Variants in ZNF136 observed in about 807,000 individuals in gnomAD.
ZNF136 encodes zinc finger protein 136, also known as zinc finger protein 136 (clone pHZ-20).
A neutral mutation model predicts 11.4 loss-of-function variants in ZNF136; 8 were observed. The observed-to-expected ratio is 0.70, with a 90% CI of 0.41 to 1.27. The LOEUF is 1.27. ZNF136 is among the 50% of genes most tolerant of loss of function. The pLI, the probability that ZNF136 is intolerant of heterozygous loss-of-function variation, is 0.01. For missense variants in ZNF136, 590 were observed against 656.5 expected, an observed-to-expected ratio of 0.90 and a Z score of 1.11; for synonymous variants, 190 against 207.1, an observed-to-expected ratio of 0.92 and a Z score of 0.71.
At chr19:12,185,665 A>T in intron 1 of ZNF136, 120 bp from the exon 2 acceptor site, 2 of 1,340,132 alleles carry the variant, frequency 1.5e-6, no homozygotes, top group Non-Finnish European at 2.0e-6. Context: ...TATGATGACC[A>T]AACAGTGGAG....
At chr19:12,180,795 A>G (rs10421012) in intron 1 of ZNF136, among the ~76,000 whole-genome samples, 30,707 of 152,188 alleles carry the variant, frequency 0.2, 4,121 homozygotes, top group African/African-American at 0.38. Flanking sequence ...TTGGTTAAAA[A>G]TTTTAATGCA....
Position 12,180,145 on chromosome 19 carries a change from C to T in ZNF136, c.4-5640C>T, listed in dbSNP as rs933450947. On this transcript the variant is annotated intron_variant, in intron 1 of 3. Transcript: ENST00000343979. The stretch of plus-strand genomic sequence containing the variant: ...TCTCCCAAAGTGCTGGGATTACAGG[C>T]GTGAGCCACCGCCCCCGGCCAACTA... Among the ~76,000 whole-genome samples the T allele has an allele frequency of 8.5e-5, 13 of 152,290 alleles. No individual in the cohort carries two copies. In the East Asian group the frequency reaches 1.9e-3, roughly 23 times the overall value.
At chr19:12,173,054 C>T (rs1274295812) in intron 1 of ZNF136, among the ~76,000 whole-genome samples, 3 of 151,990 alleles carry the variant, frequency 2.0e-5, no homozygotes, top group Non-Finnish European at 4.4e-5. Flanking sequence ...AGTAGCATGT[C>T]TTGTAGGCCA....
At chr19:12,167,954 G>A (rs1018283682) in intron 1 of ZNF136, among the ~76,000 whole-genome samples, 2 of 150,016 alleles carry the variant, frequency 1.3e-5, no homozygotes, top group African/African-American at 2.5e-5. Context: ...TTTTGCAGAC[G>A]CAGACTCATG....
At chr19:12,185,730 C>T (rs906341937) in intron 1 of ZNF136, 55 bp from the exon 2 acceptor site, 15 of 1,590,134 alleles carry the variant, frequency 9.4e-6, no homozygotes, top group African/African-American at 2.7e-5. Flanking sequence ...GAGTACAGCT[C>T]CCCAGCCCTG....
chr19:12,177,857 CAGCACTTTGGG>C lies in ZNF136; in HGVS notation c.4-7925_4-7915del, dbSNP rs566358484. 5.2e-3 allele frequency among the ~76,000 whole-genome samples: 790 copies of C among 152,302 alleles called. 2 individuals are homozygous for C. Among genetic ancestry groups the C allele is most frequent in the Non-Finnish European group, 8.7e-3 (592 of 68,036 alleles). On this transcript the variant is annotated intron_variant, in intron 1 of 3. Coordinates refer to ENST00000343979, the MANE Select transcript of ZNF136 (RefSeq NM_003437.5). ...GCCCAGTGGCTCATGCCTATAATCTCAGCACTTTGGGAGTCTGAGGCAGGTGGATTGCCAGA... is the reference window on the plus strand; with the variant it reads ...GCCCAGTGGCTCATGCCTATAATCTCAGTCTGAGGCAGGTGGATTGCCAGA...
At chr19:12,170,320 G>C (rs776726227) in intron 1 of ZNF136, among the ~76,000 whole-genome samples, 2 of 152,050 alleles carry the variant, frequency 1.3e-5, no homozygotes, top group Non-Finnish European at 2.9e-5. Flanking sequence ...TGCTTGATTT[G>C]AGTTGTTAGT....
chr19:12,176,336 T>A (rs995759573), intron 1 of ZNF136, among the ~76,000 whole-genome samples: 2 of 152,046 alleles, frequency 1.3e-5, no homozygotes, highest in Admixed American at 6.6e-5. Flanking sequence ...GAGTACTTTT[T>A]TTTTTTTGAG....
chr19:12,163,408 G>T (rs557713281), intron 1 of ZNF136, among the ~76,000 whole-genome samples: 2 of 152,318 alleles, frequency 1.3e-5, no homozygotes, highest in African/African-American at 4.8e-5. Context: ...TCCTCGTCCC[G>T]CCCTGTGCCG....
intron 3 of ZNF136, 52 bp from the exon 4 acceptor site, chr19:12,186,518 T>C (rs995475049): frequency 1.4e-6 from 2 of 1,396,018 alleles, no homozygotes; most frequent in East Asian, 2.4e-5. Flanking sequence ...TAATAGCTAT[T>C]AATATAAAAT....
At chr19:12,164,864 T>C (rs974749568) in intron 1 of ZNF136, 3 of 152,238 alleles carry the variant, frequency 2.0e-5, no homozygotes, top group African/African-American at 7.2e-5. Context: ...TTGAAACTGC[T>C]ATTGCCACAA....
intron 1 of ZNF136, among the ~76,000 whole-genome samples, chr19:12,173,705 T>C (rs918975082): frequency 1.9e-4 from 29 of 152,112 alleles, no homozygotes; most frequent in Non-Finnish European, 3.8e-4. Flanking sequence ...AAAAGGGTGT[T>C]ATGGGACCCT....
rs1262666273 is a variant in ZNF136 at position 12,187,866 on chromosome 19, G to T, written c.1488G>T (p.Arg496Ser). The T allele has an allele frequency of 6.2e-7, 1 of 1,603,312 alleles. No homozygotes were observed. Among genetic ancestry groups the T allele is most frequent in the African/African-American group, 1.3e-5 (1 of 74,224 alleles). Residue 496 changes from arginine to serine, a missense_variant, in exon 4 of 4, where the codon AGG becomes AGT. Physicochemically the swap from Arg to Ser is moderately radical, Grantham distance 110. Transcript: ENST00000343979. ...CTAGTTCCTTTCGACTACATGAAAG[G>T]ACTCACACTGGACAGAAACCCTATC... The part of the protein sequence containing the change: ...RSSSSFRLHE[R>S]THTGQKPYHC...
At position 12,185,930 on chromosome 19, in the gene ZNF136, C is replaced by T; in HGVS notation, c.130+19C>T. 4.3e-6 allele frequency: 7 copies of T among 1,610,804 alleles called. No individual in the cohort carries two copies. The highest frequency in any genetic ancestry group is 5.9e-6 in the Non-Finnish European group (7 of 1,179,260). On this transcript the variant is annotated intron_variant, in intron 2 of 3. Transcript: ENST00000343979. ...TCTATAGGTAAGGATTGTATACTTC[C>T]ATCACTTAGCAATTAAAGAAGAAGT...
intron 1 of ZNF136, among the ~76,000 whole-genome samples, chr19:12,168,046 C>CT (rs1914525395): frequency 1.8e-5 from 1 of 56,724 alleles, no homozygotes; most frequent in Non-Finnish European, 4.0e-5. Context: ...ATTTTTTTTT[C>CT]TTTTCTTTTT....
rs142957711 is a variant in ZNF136 at position 12,186,705 on chromosome 19, A to C, written c.327A>C (p.Glu109Asp). 8.5e-4 allele frequency: 1,378 copies of C among 1,614,164 alleles called. 1 individual carries two copies. The highest frequency in any genetic ancestry group is 1.0e-3 in the Non-Finnish European group (1,229 of 1,180,004). Reference sequence around the variant, plus strand: ...TCTGTGAAAGCATTGTATATGGAGAAGTCAGCATGGGTCAGTCATCCCTTA... The same window carrying C: ...TCTGTGAAAGCATTGTATATGGAGACGTCAGCATGGGTCAGTCATCCCTTA... ...VKLCESIVYG[E>D]VSMGQSSLNR... Residue 109 changes from glutamate (E) to aspartate (D), a missense_variant, in exon 4 of 4, where the codon GAA becomes GAC. Coordinates refer to ENST00000343979, the MANE Select transcript of ZNF136 (RefSeq NM_003437.5).
chr19:12,187,621 A>C lies in ZNF136; in HGVS notation c.1243A>C (p.Thr415Pro). ...ATTTCGAATACATGAAAGAACTCACACTGGAGAGAAACCTTATGTATGTAA... is the reference window on the plus strand; with the variant it reads ...ATTTCGAATACATGAAAGAACTCACCCTGGAGAGAAACCTTATGTATGTAA... ...SPFRIHERTH[T>P]GEKPYVCKHC... is the part of the protein sequence containing the mutation. The change falls in exon 4 of 4, where the codon ACT becomes CCT. Residue 415 changes from threonine to proline, a missense_variant. Coordinates refer to ENST00000343979, the MANE Select transcript of ZNF136 (RefSeq NM_003437.5). The C allele has an allele frequency of 6.2e-7, 1 of 1,614,152 alleles. No homozygotes were observed. Among genetic ancestry groups the C allele is most frequent in the Non-Finnish European group, 8.5e-7 (1 of 1,180,010 alleles).
At chr19:12,179,787 A>G (rs1389669431) in intron 1 of ZNF136, among the ~76,000 whole-genome samples, 1 of 152,194 alleles carries the variant, frequency 6.6e-6, no homozygotes, top group Non-Finnish European at 1.5e-5. Flanking sequence ...TATTACCTAA[A>G]CACTGAAATA....
At chr19:12,185,582 T>G in intron 1 of ZNF136, 2 of 546,028 alleles carry the variant, frequency 3.7e-6, no homozygotes, top group South Asian at 3.3e-5. Context: ...CCAAGAAAGA[T>G]GATCAGACAC....
Sources: gnomAD v4.1 joint callset for allele counts (sites outside exome capture counted in the v4.1 genomes callset) on GRCh38, gnomAD v4.1.1 for gene constraint, MANE v1.5 for transcripts, NCBI Gene and HGNC (gene_info 2026-07-23, HGNC 2026-07-21) for gene names.